The following PARD3B variants were observed in gnomAD, a reference collection of about 807,000 sequenced individuals.
PARD3B encodes the protein partitioning defective 3 homolog B.
A neutral mutation model predicts 130.2 loss-of-function variants in PARD3B; 103 were observed. The ratio of observed to expected loss-of-function variants is 0.79; its 90% CI spans 0.67 to 0.93. The LOEUF (loss-of-function observed/expected upper bound fraction) is 0.93, where lower values mean the gene tolerates loss of function less well. Among genes scored for constraint, PARD3B ranks in the 40% least tolerant of loss-of-function variants. The pLI is 0.00. For synonymous variants in PARD3B, 583 were observed against 553.2 expected (o/e 1.05, Z -0.76); for missense variants, 1,609 against 1,499.2 (o/e 1.07, Z -1.21).
chr2:204,795,923 G>A (rs2042358922), intron 2 of PARD3B, among the ~76,000 whole-genome samples: 1 of 152,038 alleles, frequency 6.6e-6, no homozygotes, highest in South Asian at 2.1e-4. Context: ...TGTCTTGTTG[G>A]TCAGGAATCG....
chr2:205,210,204 A>G (rs1480339888), intron 15 of PARD3B, among the ~76,000 whole-genome samples: 1 of 151,950 alleles, frequency 6.6e-6, no homozygotes, highest in African/African-American at 2.4e-5. Context: ...CATCTCTACA[A>G]AAAAAATTTT....
At chr2:204,935,943 C>T (rs1688420715) in intron 2 of PARD3B, among the ~76,000 whole-genome samples, 1 of 152,100 alleles carries the variant, frequency 6.6e-6, no homozygotes, top group South Asian at 2.1e-4. Flanking sequence ...AACAAATTTC[C>T]AATTATTTAA....
At chr2:205,427,145 C>A (rs544536670) in intron 19 of PARD3B, among the ~76,000 whole-genome samples, 1 of 152,306 alleles carries the variant, frequency 6.6e-6, no homozygotes, top group Admixed American at 6.5e-5. Flanking sequence ...GAGAAACAGG[C>A]ATCCTCTTAC....
chr2:205,156,420 A>G (rs2034170950), intron 10 of PARD3B, among the ~76,000 whole-genome samples: 1 of 152,144 alleles, frequency 6.6e-6, no homozygotes, highest in Admixed American at 6.6e-5. Context: ...AATAATAATA[A>G]AATTTAAAAA....
Position 205,301,502 on chromosome 2 carries a change from G to C in PARD3B, c.2431G>C (p.Ala811Pro), listed in dbSNP as rs755088993. Reference sequence around the variant, plus strand: ...TAAGAGCTCTCACTCTGGCCAAGGAGCTCTGAATTGTGAGTCTGCCCCTCA... The same window carrying C: ...TAAGAGCTCTCACTCTGGCCAAGGACCTCTGAATTGTGAGTCTGCCCCTCA... ...SDKSSHSGQG[A>P]LNCESAPQGN... Residue 811 changes from alanine (A) to proline (P), a missense_variant, in exon 18 of 23, where the codon GCT becomes CCT. Physicochemically the swap from Ala to Pro is conservative, Grantham distance 27. Transcript: ENST00000406610. This position sits in a 1 kb window ranked among gnomAD's most constrained non-coding sequence, Gnocchi z 5.2. 1.2e-5 allele frequency: 19 copies of C among 1,613,752 alleles called. No homozygotes were observed. Among genetic ancestry groups the C allele is most frequent in the Non-Finnish European group, 1.4e-5 (17 of 1,179,980 alleles).
At chr2:205,196,293 A>G (rs574266457) in intron 15 of PARD3B, among the ~76,000 whole-genome samples, 1 of 152,166 alleles carries the variant, frequency 6.6e-6, no homozygotes, top group Non-Finnish European at 1.5e-5. Flanking sequence ...TCCCCTTTTA[A>G]TGGAATGTGG....
rs73982840 is a variant in PARD3B at position 205,231,225 on chromosome 2, T to C, written c.2141-14553T>C. Among the ~76,000 whole-genome samples the C allele has an allele frequency of 6.6e-3, 1,009 of 152,272 alleles. 15 individuals are homozygous for C. The highest frequency in any genetic ancestry group is 0.024 in the African/African-American group (977 of 41,558). On this transcript the variant is annotated intron_variant, in intron 15 of 22. Transcript: ENST00000406610. ...AGCTTCTATTTGGCTCTCTTACTCCTCATTACGTTTTAAGACTTAAGTGGT... is the reference window on the plus strand; with the variant it reads ...AGCTTCTATTTGGCTCTCTTACTCCCCATTACGTTTTAAGACTTAAGTGGT...
rs189814506 is a variant in PARD3B at position 205,054,635 on chromosome 2, C to A, written c.504+6945C>A. ...AACAGGCCCCGGTGTGTGGTGTTCC[C>A]CTTTGCTGTTTAGCCTTGATCTGCA... On this transcript the variant is annotated intron_variant, in intron 4 of 22. Transcript: ENST00000406610. 5.7e-3 allele frequency among the ~76,000 whole-genome samples: 863 copies of A among 150,870 alleles called. 10 individuals carry two copies. The highest frequency in any genetic ancestry group is 0.02 in the African/African-American group (828 of 41,094).
rs546778185 is a variant in PARD3B at position 204,988,529 on chromosome 2, G to A, written c.394+23206G>A. On this transcript the variant is annotated intron_variant, in intron 3 of 22. Transcript: ENST00000406610. Reference sequence around the variant, plus strand: ...ACACAAAGGATAAATACTTGAGGGGGTGGATACCCCATTCTCCATGATGTG... The same window carrying A: ...ACACAAAGGATAAATACTTGAGGGGATGGATACCCCATTCTCCATGATGTG... 2.6e-5 allele frequency among the ~76,000 whole-genome samples: 4 copies of A among 152,240 alleles called. No individual in the cohort carries two copies. The East Asian group carries it at 5.8e-4, about 22-fold the overall frequency.
chr2:204,923,446 T>C (rs529970287), intron 2 of PARD3B, among the ~76,000 whole-genome samples: 6 of 152,146 alleles, frequency 3.9e-5, no homozygotes, highest in Admixed American at 2.6e-4. Context: ...AGCTTTTTAA[T>C]TTTTAATTAG....
In PARD3B at chr2:205,011,429, A is replaced by C. The variant is rs984974491; in HGVS notation, c.395-36152A>C. Among the ~76,000 whole-genome samples, 2 of 152,124 alleles carry C rather than the reference A, an allele frequency of 1.3e-5. No individual in the cohort carries two copies. Among genetic ancestry groups the C allele is most frequent in the African/African-American group, 4.8e-5 (2 of 41,392 alleles). The stretch of plus-strand genomic sequence containing the variant: ...CATGGCAGCTGCATCCCCTCAGAAC[A>C]AGTGACTCGAGAGAGAAATTAAGAG... On this transcript the variant is annotated intron_variant, in intron 3 of 22. Coordinates refer to ENST00000406610, the MANE Select transcript of PARD3B (RefSeq NM_001302769.2). This position sits in a 1 kb window ranked among gnomAD's most constrained non-coding sequence, Gnocchi z 4.1.
chr2:205,502,888 T>A (rs1438038349), intron 21 of PARD3B, among the ~76,000 whole-genome samples: 4 of 152,106 alleles, frequency 2.6e-5, no homozygotes, highest in Non-Finnish European at 1.5e-5. Flanking sequence ...TTGTATGTAG[T>A]TCTCTACCAC....
chr2:204,989,435 A>T (rs1258901528), intron 3 of PARD3B, among the ~76,000 whole-genome samples: 2 of 152,162 alleles, frequency 1.3e-5, no homozygotes. Context: ...ATTTATTTTT[A>T]AATTAAATAT....
chr2:204,819,719 C>T (rs2043269999), intron 2 of PARD3B, among the ~76,000 whole-genome samples: 1 of 152,156 alleles, frequency 6.6e-6, no homozygotes, highest in Non-Finnish European at 1.5e-5. Flanking sequence ...ATTAAAAAGA[C>T]TCTTACAGTA....
Position 204,791,508 on chromosome 2 carries a change from A to G in PARD3B, c.222+105226A>G, listed in dbSNP as rs546789181. Among the ~76,000 whole-genome samples the G allele has an allele frequency of 3.9e-5, 6 of 152,352 alleles. No homozygotes were observed. In the South Asian group the frequency reaches 6.2e-4, roughly 16 times the overall value. Reference sequence around the variant, plus strand: ...GTTTTACTCTACTTCCCAAAATAAAAGTTTCAAAGAATCAGAAGATTTTAG... The same window carrying G: ...GTTTTACTCTACTTCCCAAAATAAAGGTTTCAAAGAATCAGAAGATTTTAG... On this transcript the variant is annotated intron_variant, in intron 2 of 22. Transcript: ENST00000406610.
chr2:205,301,383 C>T lies in PARD3B; in HGVS notation c.2393-81C>T. On this transcript the variant is annotated intron_variant, in intron 17 of 22. Coordinates refer to ENST00000406610, the MANE Select transcript of PARD3B (RefSeq NM_001302769.2). This position sits in a 1 kb window ranked among gnomAD's most constrained non-coding sequence, Gnocchi z 5.2. ...CAGAGTGCTGTTATTCATTCTTTTG[C>T]ATTTTACATGTTAGCGTTTCTCTGT... The T allele has an allele frequency of 6.5e-7, 1 of 1,533,480 alleles. No individual in the cohort carries two copies. The allele number at this position is 1,533,480 out of a possible 1,614,324, so 95.0% of individuals were successfully genotyped here. A position where few individuals can be genotyped will look rare whatever the true frequency, so the allele number is the denominator to read the frequency against.
chr2:205,505,704 G>A (rs1382841078), intron 21 of PARD3B, among the ~76,000 whole-genome samples: 3 of 152,012 alleles, frequency 2.0e-5, no homozygotes, highest in Admixed American at 6.6e-5. Context: ...CTCTGACAAC[G>A]GGCTGCTTTT....
intron 2 of PARD3B, among the ~76,000 whole-genome samples, chr2:204,760,399 G>A (rs1408440820): frequency 1.3e-5 from 2 of 151,932 alleles, no homozygotes; most frequent in Non-Finnish European, 2.9e-5. Flanking sequence ...AACATATGTA[G>A]TATAATATTT....
At chr2:205,380,192 T>TATAATATGTAAAGAATATAG (rs2045271708) in intron 18 of PARD3B, among the ~76,000 whole-genome samples, 1 of 90,330 alleles carries the variant, frequency 1.1e-5, no homozygotes, top group Non-Finnish European at 2.0e-5. Context: ...AAAGAATATA[T>TATAATATGTAAAGAATATAG]ATTATATAAT....
Sources: gnomAD v4.1 joint callset for allele counts (sites outside exome capture counted in the v4.1 genomes callset) on GRCh38, gnomAD v4.1.1 for gene constraint, Gnocchi (gnomAD v3.1) non-coding constraint, MANE v1.5 for transcripts, NCBI Gene and HGNC (gene_info 2026-07-23, HGNC 2026-07-21) for gene names.